Variants in ASNS observed in about 807,000 individuals in gnomAD.
ASNS encodes the protein asparagine synthetase (glutamine-hydrolyzing).
ASNS carries 37 observed loss-of-function variants against 62.6 expected under a neutral mutation model. The ratio of observed to expected loss-of-function variants is 0.59; its 90% confidence interval spans 0.45 to 0.78. The LOEUF is 0.78. Ranked by LOEUF, ASNS falls within the 30% of genes least tolerant of loss-of-function variation. ASNS has a pLI of 0.00. For missense variants in ASNS, 520 were observed against 682.4 expected (o/e 0.76, Z 2.65); for synonymous variants, 207 against 237.9 (o/e 0.87, Z 1.19).
At chr7:97,901,493 T>G in the ASNS span, among the ~76,000 whole-genome samples, 1 of 152,162 alleles carries the variant, frequency 6.6e-6, no homozygotes. Context: ...ATGCCCGATC[T>G]CAGTCATCTT....
chr7:97,926,157 G>A, the ASNS span, among the ~76,000 whole-genome samples: 4 of 149,736 alleles, frequency 2.7e-5, no homozygotes, highest in African/African-American at 7.3e-5. Context: ...AGCCAACACC[G>A]AATAAAGCAA....
chr7:97,900,343 G>A, the ASNS span, among the ~76,000 whole-genome samples: 4 of 131,830 alleles, frequency 3.0e-5, no homozygotes, highest in South Asian at 7.6e-4. Flanking sequence ...CCTGGGTGAT[G>A]GAGCAAGACT....
the ASNS span, among the ~76,000 whole-genome samples, chr7:97,886,759 C>T: frequency 6.6e-6 from 1 of 152,172 alleles, no homozygotes; most frequent in Non-Finnish European, 1.5e-5. Flanking sequence ...TGAAGCCAGA[C>T]CAACCTGACA....
the ASNS span, among the ~76,000 whole-genome samples, chr7:97,880,045 A>G: frequency 6.6e-6 from 1 of 152,158 alleles, no homozygotes; most frequent in Non-Finnish European, 1.5e-5. Context: ...CCCCAGCTAC[A>G]TATACCAAAT....
At chr7:97,913,648 T>C in the ASNS span, among the ~76,000 whole-genome samples, 1 of 151,670 alleles carries the variant, frequency 6.6e-6, no homozygotes, top group African/African-American at 2.4e-5. Flanking sequence ...ACAGTTTCTA[T>C]AACTTGCCCA....
the ASNS span, among the ~76,000 whole-genome samples, chr7:97,878,591 G>A: frequency 6.6e-6 from 1 of 152,208 alleles, no homozygotes; most frequent in Non-Finnish European, 1.5e-5. Flanking sequence ...TACAAGGGAT[G>A]TAAAGGACTT....
At chr7:97,878,955 C>T in the ASNS span, among the ~76,000 whole-genome samples, 13 of 152,030 alleles carry the variant, frequency 8.6e-5, no homozygotes, top group South Asian at 2.7e-3. Flanking sequence ...AGATATAGAC[C>T]AATGGAACAG....
intron 3 of ASNS, among the ~76,000 whole-genome samples, chr7:97,864,834 G>A (rs1791891369): frequency 6.6e-6 from 1 of 152,082 alleles, no homozygotes; most frequent in Non-Finnish European, 1.5e-5. Flanking sequence ...TATACAGATT[G>A]AGTATCCCTT....
At chr7:97,902,811 G>T in the ASNS span, among the ~76,000 whole-genome samples, 1 of 152,180 alleles carries the variant, frequency 6.6e-6, no homozygotes, top group Non-Finnish European at 1.5e-5. Flanking sequence ...ACCCTTCCAG[G>T]ATATTCCTGG....
At chr7:97,868,658 G>A (rs564506070) in intron 3 of ASNS, among the ~76,000 whole-genome samples, 1 of 152,136 alleles carries the variant, frequency 6.6e-6, no homozygotes, top group African/African-American at 2.4e-5. Context: ...AAGCTGGGGA[G>A]AAGGAGAAAA....
At chr7:97,862,028 A>G (rs1334213177) in intron 4 of ASNS, among the ~76,000 whole-genome samples, 1 of 152,332 alleles carries the variant, frequency 6.6e-6, no homozygotes, top group Non-Finnish European at 1.5e-5. Flanking sequence ...TTCATCTTGT[A>G]TCCTGCAACC....
At chr7:97,857,652 G>A (rs12669125) in intron 7 of ASNS, among the ~76,000 whole-genome samples, 4 of 145,116 alleles carry the variant, frequency 2.8e-5, no homozygotes, top group Non-Finnish European at 3.0e-5. Context: ...CAAAAAACCC[G>A]TTTTTTTAAT....
At chr7:97,919,129 A>T in the ASNS span, among the ~76,000 whole-genome samples, 1 of 151,978 alleles carries the variant, frequency 6.6e-6, no homozygotes, top group Non-Finnish European at 1.5e-5. Context: ...CAGGGACACA[A>T]TCTCGGCTCA....
At chr7:97,869,986 A>C (rs149633136) in intron 1 of ASNS, 173 bp from the exon 2 acceptor site, 1 of 202,734 alleles carries the variant, frequency 4.9e-6, no homozygotes, top group East Asian at 1.1e-4. Flanking sequence ...TAAGGAAGCA[A>C]AGTAGGTGAG....
chr7:97,899,942 G>GA, the ASNS span, among the ~76,000 whole-genome samples: 1 of 152,194 alleles, frequency 6.6e-6, no homozygotes, highest in Non-Finnish European at 1.5e-5. Flanking sequence ...CATCTCCAAG[G>GA]AAGACATACA....
the ASNS span, among the ~76,000 whole-genome samples, chr7:97,912,745 G>A: frequency 6.6e-6 from 1 of 151,332 alleles, no homozygotes; most frequent in Non-Finnish European, 1.5e-5. Flanking sequence ...ACCACACCTG[G>A]CTAATTTTTG....
rs187110749 is a variant in ASNS, at chr7:97,868,165, G to A, written c.249+743C>T. ...TTTACTAAAATACAAAAAATTAGCT[G>A]GGCATGGTGGCAGGTGCCTGTAGTC... On this transcript the variant is annotated intron_variant, in intron 3 of 12. Coordinates refer to ENST00000394308, the MANE Select transcript of ASNS (RefSeq NM_001673.5). Among the ~76,000 whole-genome samples the A allele has an allele frequency of 2.9e-3, 436 of 152,182 alleles. 3 individuals are homozygous for A. Among genetic ancestry groups the A allele is most frequent in the African/African-American group, 0.01 (423 of 41,524 alleles).
the ASNS span, among the ~76,000 whole-genome samples, chr7:97,921,623 T>C: frequency 6.6e-6 from 1 of 152,184 alleles, no homozygotes; most frequent in African/African-American, 2.4e-5. Context: ...TGTGCAGACG[T>C]GAGGGTCTCC....
chr7:97,920,845 G>A, the ASNS span, among the ~76,000 whole-genome samples: 36 of 152,178 alleles, frequency 2.4e-4, no homozygotes, highest in Non-Finnish European at 3.8e-4. Flanking sequence ...TTTCAATAAC[G>A]CCACTTCTTG....
Sources: allele counts gnomAD v4.1 joint callset (sites outside exome capture counted in the v4.1 genomes callset), GRCh38; gene constraint gnomAD v4.1.1; transcripts MANE v1.5; gene names NCBI Gene and HGNC (gene_info 2026-07-23, HGNC 2026-07-21).